MYH6: variants seen among roughly 807,000 people sequenced by gnomAD.
MYH6 encodes the protein myosin-6.
In MYH6, 126 loss-of-function variants were observed where a neutral mutation model predicts 223.2. That is an observed-to-expected ratio of 0.56 (90% CI 0.49 to 0.65). The LOEUF is 0.65. Among genes scored for constraint, MYH6 ranks in the 30% least tolerant of loss-of-function variants. MYH6 has a pLI of 0.00. For synonymous variants in MYH6, 978 were observed against 1,010.2 expected (o/e 0.97, Z 0.61); for missense variants, 2,040 against 2,536.4 (o/e 0.80, Z 4.20).
chr14:23,406,845 C>G (rs1035244361), intron 3 of MYH6, among the ~76,000 whole-genome samples, 178 bp downstream of exon 3: 1 of 152,110 alleles, frequency 6.6e-6, no homozygotes, highest in Non-Finnish European at 1.5e-5. Context: ...CCTGTTGCAC[C>G]AGCTCAGGTC....
chr14:23,396,896 A>T, intron 18 of MYH6, 67 bp downstream of exon 18: 1 of 1,612,558 alleles, frequency 6.2e-7, no homozygotes. Context: ...TCACCTGCAG[A>T]TCCCATTCCC....
chr14:23,389,831 G>T (rs1891176668), intron 26 of MYH6, 112 bp from the exon 27 acceptor site: 2 of 1,568,860 alleles, frequency 1.3e-6, no homozygotes, highest in African/African-American at 2.7e-5. Flanking sequence ...GACACAGAAG[G>T]TGTGGGAGGG....
chr14:23,408,089 C>T (rs1448905334), intron 1 of MYH6, among the ~76,000 whole-genome samples, 164 bp downstream of exon 1: 1 of 152,136 alleles, frequency 6.6e-6, no homozygotes, highest in Non-Finnish European at 1.5e-5. Context: ...TCCTGTGGAA[C>T]CTCCTTGTGT....
chr14:23,388,667 C>G (rs773365979), intron 29 of MYH6, 192 bp downstream of exon 29: 67 of 985,294 alleles, frequency 6.8e-5, no homozygotes, highest in Non-Finnish European at 9.7e-5. Flanking sequence ...TCGCCCGTCA[C>G]AGGAAGTGGG....
At chr14:23,385,737 C>T (rs1890998788) in intron 34 of MYH6, among the ~76,000 whole-genome samples, 191 bp downstream of exon 34, 1 of 152,158 alleles carries the variant, frequency 6.6e-6, no homozygotes, top group East Asian at 1.9e-4. Context: ...AATCATGACC[C>T]TCTTAGCTTC....
chr14:23,394,305 G>C lies in MYH6; in HGVS notation c.2448C>G (p.Ile816Met), dbSNP rs199675944. ...CCATGAAGGCCCGAATGTTCCACTG[G>C]ATTACCAGCAGGGCATCCCTGGCAA... ...IVERRDALLV[I>M]QWNIRAFMGV... is the part of the protein sequence containing the mutation. The change falls in exon 21 of 39, where the codon ATC becomes ATG. Residue 816 changes from isoleucine (I) to methionine (M), a missense_variant. Coordinates refer to ENST00000405093, the MANE Select transcript of MYH6 (RefSeq NM_002471.4). The C allele has an allele frequency of 6.2e-7, 1 of 1,614,194 alleles. No homozygotes were observed. Among genetic ancestry groups the C allele is most frequent in the African/African-American group, 1.3e-5 (1 of 75,052 alleles).
chr14:23,399,567 T>C (rs403739), intron 14 of MYH6: 64,624 of 201,148 alleles, frequency 0.32, 10,671 homozygotes, highest in African/African-American at 0.35. Flanking sequence ...CACACACACG[T>C]ACACACACAC....
Position 23,398,783 on chromosome 14 carries a change from C to G in MYH6, c.1836G>C (p.Lys612Asn). The G allele has an allele frequency of 6.2e-7, 1 of 1,614,060 alleles. No homozygotes were observed. Among genetic ancestry groups the G allele is most frequent in the Non-Finnish European group, 8.5e-7 (1 of 1,180,038 alleles). The stretch of plus-strand genomic sequence containing the variant: ...GAGTGGCCATGAGCTTGAGGGAGGA[C>G]TTCTGGTACAGGGCCACAACAGTCT... The part of the protein sequence containing the change: ...LNETVVALYQ[K>N]SSLKLMATLF... The change falls in exon 15 of 39, where the codon AAG (lysine) becomes AAC (asparagine). Residue 612 changes from lysine to asparagine, a missense_variant. Physicochemically the swap from Lys to Asn is moderately conservative, Grantham distance 94. This residue lies in a region of MYH6 where 649 missense variants were observed against 877.3 expected (regional missense o/e 0.74). Transcript: ENST00000405093.
At chr14:23,382,166 AG>A in intron 38 of MYH6, 103 bp from the exon 39 acceptor site, 1 of 1,214,744 alleles carries the variant, frequency 8.2e-7, no homozygotes, top group Non-Finnish European at 1.2e-6. Context: ...ATGCCCTTGG[AG>A]GGAGAGGCAG....
intron 38 of MYH6, 111 bp from the exon 39 acceptor site, chr14:23,382,174 G>A (rs1890881716): frequency 8.3e-7 from 1 of 1,212,108 alleles, no homozygotes; most frequent in Non-Finnish European, 1.2e-6. Flanking sequence ...GGAGGGAGAG[G>A]CAGGGCCCCA....
chr14:23,388,841 G>C lies in MYH6; in HGVS notation c.4175+18C>G, dbSNP rs200234758. 19 of 1,613,746 alleles carry C rather than the reference G, an allele frequency of 1.2e-5. No individual in the cohort carries two copies. In the Admixed American group the frequency reaches 2.5e-4, roughly 21 times the overall value. Reference sequence around the variant, plus strand: ...CTTCCTCTCTGAGAGTCAGGTTAAGGGGGTATCTGGAGCTCACTTGGCCTC... The same window carrying C: ...CTTCCTCTCTGAGAGTCAGGTTAAGCGGGTATCTGGAGCTCACTTGGCCTC... On this transcript the variant is annotated intron_variant, in intron 29 of 38. Coordinates refer to ENST00000405093, the MANE Select transcript of MYH6 (RefSeq NM_002471.4).
rs1566511224 is a variant in MYH6 at position 23,396,307 on chromosome 14, C to G, written c.2406G>C (p.Glu802Asp). The G allele has an allele frequency of 2.5e-6, 4 of 1,614,210 alleles. No individual in the cohort carries two copies. In the Admixed American group the frequency reaches 5.0e-5, roughly 20 times the overall value. ...AQARGQLMRIEFKKIVERRDA... is the reference protein window; with the variant it reads ...AQARGQLMRIDFKKIVERRDA... ...ACCTGCGTTCCACTATCTTCTTGAA[C>G]TCAATGCGCATGAGCTGGCCCCGGG... The change falls in exon 20 of 39, where the codon GAG (glutamate) becomes GAC (aspartate). Residue 802 changes from glutamate to aspartate, a missense_variant. This residue lies in a region of MYH6 where 649 missense variants were observed against 877.3 expected (regional missense o/e 0.74). Transcript: ENST00000405093.
intron 34 of MYH6, among the ~76,000 whole-genome samples, chr14:23,385,685 C>T (rs573783403): frequency 6.6e-6 from 1 of 152,200 alleles, no homozygotes; most frequent in African/African-American, 2.4e-5. Flanking sequence ...AGGATACATT[C>T]CACTACTCCC....
chr14:23,396,633 T>C lies in MYH6; in HGVS notation c.2292+61A>G, dbSNP rs1488093820. ...ATTAGGCTTCTGCCTCCTAAACTCC[T>C]CTCTGCTCCACTCAACATGGCCACC... On this transcript the variant is annotated intron_variant, in intron 19 of 38. Transcript: ENST00000405093. 3 of 1,613,566 alleles carry C rather than the reference T, an allele frequency of 1.9e-6. No homozygotes were observed. The East Asian group carries it at 6.7e-5, about 36-fold the overall frequency.
Position 23,388,993 on chromosome 14 carries a change from C to A in MYH6, c.4041G>T (p.Glu1347Asp). ...TGGCCTCTGTCTCCTCCTCGTACTG[C>A]TCCCGCAGCAGGTCGCAGTCATGCC... The part of the protein sequence containing the change: ...SARHDCDLLR[E>D]QYEEETEAKA... The change falls in exon 29 of 39, where the codon GAG (glutamate) becomes GAT (aspartate). Residue 1347 changes from glutamate to aspartate, a missense_variant. Glu to Asp is a conservative substitution (Grantham distance 45). Transcript: ENST00000405093. The A allele has an allele frequency of 6.2e-7, 1 of 1,613,740 alleles. No individual in the cohort carries two copies. Among genetic ancestry groups the A allele is most frequent in the Non-Finnish European group, 8.5e-7 (1 of 1,179,960 alleles).
chr14:23,396,904 C>G, intron 18 of MYH6, 59 bp downstream of exon 18: 1 of 1,612,532 alleles, frequency 6.2e-7, no homozygotes, highest in South Asian at 1.1e-5. Context: ...AGATCCCATT[C>G]CCATCAGGGC....
intron 6 of MYH6, 132 bp downstream of exon 6, chr14:23,404,968 C>T: frequency 6.6e-7 from 1 of 1,510,400 alleles, no homozygotes; most frequent in Non-Finnish European, 9.1e-7. Context: ...CTCTGGCACC[C>T]CTCTAATGAG....
chr14:23,385,314 C>T (rs1005625506), intron 34 of MYH6, among the ~76,000 whole-genome samples: 19 of 151,638 alleles, frequency 1.3e-4, no homozygotes, highest in Admixed American at 3.9e-4. Flanking sequence ...AACATGTTTA[C>T]GTAGGAGCAT....
chr14:23,389,224 C>T (rs371422178), intron 28 of MYH6, among the ~76,000 whole-genome samples, 169 bp from the exon 29 acceptor site: 3 of 152,204 alleles, frequency 2.0e-5, no homozygotes, highest in Admixed American at 6.5e-5. Flanking sequence ...CATCCCCTTA[C>T]GAATAAGAAA....
Sources: gnomAD v4.1 joint callset for allele counts (sites outside exome capture counted in the v4.1 genomes callset) on GRCh38, gnomAD v4.1.1 for gene constraint, gnomAD v4.1.1 regional missense constraint, MANE v1.5 for transcripts, NCBI Gene and HGNC (gene_info 2026-07-23, HGNC 2026-07-21) for gene names.